The following ZDHHC11 variants were observed in gnomAD, a reference collection of about 807,000 sequenced individuals.
ZDHHC11 encodes zDHHC palmitoyltransferase 11, also known as palmitoyltransferase ZDHHC11.
In ZDHHC11, 44 loss-of-function variants were observed where a neutral mutation model predicts 51.3. The observed-to-expected ratio is 0.86, with a 90% CI of 0.67 to 1.10. The LOEUF (loss-of-function observed/expected upper bound fraction) is 1.10, where lower values mean the gene tolerates loss of function less well. ZDHHC11 is among the 50% of genes least tolerant of loss of function. The pLI, the probability that ZDHHC11 is intolerant of heterozygous loss-of-function variation, is 0.00. For missense variants in ZDHHC11, 400 were observed against 537.7 expected, an observed-to-expected ratio of 0.74 and a Z score of 2.53; for synonymous variants, 163 against 222.0, an observed-to-expected ratio of 0.73 and a Z score of 2.36.
rs200153620 is a variant in ZDHHC11, at chr5:832,140, TGAA to T, written c.935+1630_935+1632del. ...AATACTACTCAGCCATAAAAAGGAA[TGAA>T]ATATCAGCACTCACACAACCTGGAG... On this transcript the variant is annotated intron_variant, in intron 7 of 12. Transcript: ENST00000283441. Among the ~76,000 whole-genome samples the T allele has an allele frequency of 3.6e-3, 422 of 117,940 alleles. 53 individuals carry two copies. The highest frequency in any genetic ancestry group is 0.034 in the South Asian group (144 of 4,238). 77.4% of individuals were successfully genotyped at this position (117,940 alleles called of 152,430 possible).
Position 823,472 on chromosome 5 carries a change from C to G in ZDHHC11, c.1024-1577G>C, listed in dbSNP as rs1350929309. 8 of 151,860 alleles carry G rather than the reference C, an allele frequency of 5.3e-5. 1 individual carries two copies. The highest frequency in any genetic ancestry group is 2.1e-4 in the South Asian group (1 of 4,802). 9.4% of individuals were successfully genotyped at this position (151,860 alleles called of 1,614,324 possible). A position where few individuals can be genotyped will look rare whatever the true frequency, so the allele number is the denominator to read the frequency against. On this transcript the variant is annotated intron_variant, in intron 8 of 12. Coordinates refer to ENST00000283441, the MANE Select transcript of ZDHHC11 (RefSeq NM_024786.3). ...GTTTCCAGTTTGTTCCATTCATCTA[C>G]TCAGAGCATCTTCTTTGGACAACAC...
chr5:850,846 G>C lies in ZDHHC11; in HGVS notation c.-244C>G. On this transcript the variant is annotated 5_prime_UTR_variant, in exon 1 of 13. Transcript: ENST00000283441. Reference sequence around the variant, plus strand: ...GCAGAATGTGACCCCGGCCAGAGCCGAGTGGCAACGGAAAACGGCTCTCCA... The same window carrying C: ...GCAGAATGTGACCCCGGCCAGAGCCCAGTGGCAACGGAAAACGGCTCTCCA... The C allele has an allele frequency of 1.7e-6, 1 of 595,984 alleles. No individual in the cohort carries two copies. The highest frequency in any genetic ancestry group is 2.9e-6 in the Non-Finnish European group (1 of 340,938). 36.9% of individuals were successfully genotyped at this position (595,984 alleles called of 1,614,324 possible).
At chr5:835,970 T>C (rs1743782800) in intron 6 of ZDHHC11, among the ~76,000 whole-genome samples, 1 of 151,904 alleles carries the variant, frequency 6.6e-6, no homozygotes, top group Admixed American at 6.6e-5. Context: ...AACTAGGTCT[T>C]AAAACATACT....
intron 3 of ZDHHC11, among the ~76,000 whole-genome samples, chr5:846,571 A>G (rs1317801664): frequency 6.8e-6 from 1 of 147,574 alleles, no homozygotes; most frequent in African/African-American, 2.6e-5. Context: ...CACCGTGCTC[A>G]GGGGAAACAC....
chr5:808,851 C>T (rs1273183410), intron 11 of ZDHHC11, among the ~76,000 whole-genome samples: 17 of 147,140 alleles, frequency 1.2e-4, no homozygotes, highest in Admixed American at 8.2e-4. Context: ...GTGCCTGCCA[C>T]TACGCCTGGC....
At chr5:810,308 T>C (rs1191262790) in intron 11 of ZDHHC11, among the ~76,000 whole-genome samples, 9 of 146,388 alleles carry the variant, frequency 6.1e-5, no homozygotes, top group African/African-American at 2.3e-4. Context: ...GGGATTAGGG[T>C]CTTCACACGC....
In ZDHHC11 at chr5:800,028, T is replaced by C. The variant is rs562820899; in HGVS notation, c.*7+1072A>G. Among the ~76,000 whole-genome samples, 64 of 151,532 alleles carry C rather than the reference T, an allele frequency of 4.2e-4. 1 individual carries two copies. Among genetic ancestry groups the C allele is most frequent in the African/African-American group, 1.4e-3 (57 of 41,350 alleles). On this transcript the variant is annotated intron_variant, in intron 12 of 12. Coordinates refer to ENST00000283441, the MANE Select transcript of ZDHHC11 (RefSeq NM_024786.3). Reference sequence around the variant, plus strand: ...CTGTCTCTCTGGGCTTTCAAGGTGATGTCTATTCCCAGTTCTGCAAAATTT... The same window carrying C: ...CTGTCTCTCTGGGCTTTCAAGGTGACGTCTATTCCCAGTTCTGCAAAATTT...
intron 1 of ZDHHC11, among the ~76,000 whole-genome samples, chr5:849,018 G>C (rs1168612896): frequency 6.6e-6 from 1 of 150,896 alleles, no homozygotes; most frequent in Admixed American, 6.6e-5. Context: ...ATCCAGTCTT[G>C]CACACACGGC....
intron 6 of ZDHHC11, among the ~76,000 whole-genome samples, chr5:835,848 G>C (rs1356834325): frequency 2.6e-5 from 4 of 151,842 alleles, no homozygotes; most frequent in Non-Finnish European, 4.4e-5. Context: ...ATTAGACTAT[G>C]AAAGGAAGTT....
intron 7 of ZDHHC11, 55 bp from the exon 8 acceptor site, chr5:825,306 G>A (rs1334557935): frequency 6.4e-7 from 1 of 1,568,508 alleles, no homozygotes; most frequent in Non-Finnish European, 8.8e-7. Flanking sequence ...GGGGGACTCA[G>A]GGTGGCACTG....
At chr5:806,021 TCAGGACACCAGAGG>T (rs1331645894) in intron 11 of ZDHHC11, among the ~76,000 whole-genome samples, 5 of 151,014 alleles carry the variant, frequency 3.3e-5, no homozygotes, top group African/African-American at 1.2e-4. Context: ...GGGTCTGACG[TCAGGACACCAGAGG>T]TGTGGCAGGT....
At chr5:802,828 A>C (rs1738641665) in intron 11 of ZDHHC11, among the ~76,000 whole-genome samples, 1 of 37,058 alleles carries the variant, frequency 2.7e-5, no homozygotes, top group Non-Finnish European at 4.6e-5. Flanking sequence ...AAAAATACAA[A>C]AAAAAAAAAA....
At chr5:805,065 T>C (rs1308369496) in intron 11 of ZDHHC11, among the ~76,000 whole-genome samples, 1 of 151,386 alleles carries the variant, frequency 6.6e-6, no homozygotes, top group Non-Finnish European at 1.5e-5. Context: ...GTGCACACTG[T>C]ATAAAGATGT....
At chr5:820,421 C>G (rs1032940741) in intron 9 of ZDHHC11, among the ~76,000 whole-genome samples, 2 of 151,580 alleles carry the variant, frequency 1.3e-5, no homozygotes, top group Admixed American at 6.6e-5. Flanking sequence ...TGATCATTAC[C>G]AACAGGGCCT....
upstream of ZDHHC11, among the ~76,000 whole-genome samples, chr5:859,243 C>G (rs759859108): frequency 2.6e-5 from 4 of 152,144 alleles, no homozygotes; most frequent in East Asian, 3.9e-4. Flanking sequence ...TCGGCCTCCC[C>G]CTCCCTGCCT....
At chr5:815,354 A>T (rs1029229147) in intron 10 of ZDHHC11, among the ~76,000 whole-genome samples, 1 of 147,296 alleles carries the variant, frequency 6.8e-6, no homozygotes, top group Non-Finnish European at 1.5e-5. Flanking sequence ...GCAAAGAAAA[A>T]CACCTGCTAT....
intron 9 of ZDHHC11, chr5:821,173 C>T (rs112225640): frequency 6.6e-6 from 1 of 151,376 alleles, no homozygotes; most frequent in East Asian, 1.9e-4. Flanking sequence ...CTCTGCTGCT[C>T]CCCCCGGGGC....
chr5:825,579 G>C (rs1308986304), intron 7 of ZDHHC11, among the ~76,000 whole-genome samples: 1 of 152,224 alleles, frequency 6.6e-6, no homozygotes, highest in African/African-American at 2.4e-5. Flanking sequence ...AGACAGGTCT[G>C]ATATGCAGCT....
intron 12 of ZDHHC11, among the ~76,000 whole-genome samples, chr5:799,449 A>G (rs887978431): frequency 6.6e-6 from 1 of 151,670 alleles, no homozygotes; most frequent in African/African-American, 2.4e-5. Context: ...GTTTCTTTGT[A>G]GTAACACTGA....
Sources: allele counts gnomAD v4.1 joint callset (sites outside exome capture counted in the v4.1 genomes callset), GRCh38; gene constraint gnomAD v4.1.1; transcripts MANE v1.5; gene names NCBI Gene and HGNC (gene_info 2026-07-23, HGNC 2026-07-21).